The following CHSY1 variants were observed in gnomAD, a reference collection of about 807,000 sequenced individuals.
CHSY1 encodes the protein chondroitin sulfate synthase 1, also known as N-acetylgalactosaminyl-proteoglycan 3-beta-glucuronosyltransferase 1.
CHSY1 carries 13 observed loss-of-function variants against 59.8 expected under a neutral mutation model. That is an observed-to-expected ratio of 0.22 (90% CI 0.14 to 0.35). CHSY1 has a LOEUF of 0.35. Ranked by LOEUF, CHSY1 falls within the 10% of genes least tolerant of loss-of-function variation. CHSY1 has a pLI of 1.00. For synonymous variants in CHSY1, 459 were observed against 401.2 expected (o/e 1.14, Z -1.72); for missense variants, 947 against 1,030.6 (o/e 0.92, Z 1.11).
intron 2 of CHSY1, among the ~76,000 whole-genome samples, chr15:101,215,760 CAAAT>C (rs113043896): frequency 4.7e-4 from 71 of 152,314 alleles, no homozygotes; most frequent in Middle Eastern, 3.4e-3. Context: ...AATTCATCAA[CAAAT>C]GAATGAACAA....
Position 101,176,560 on chromosome 15 carries a change from G to A in CHSY1, c.*828C>T. The A allele has an allele frequency of 2.5e-6, 1 of 396,342 alleles. No individual in the cohort carries two copies. The allele number at this position is 396,342 out of a possible 1,614,324, so 24.6% of individuals were successfully genotyped here. A position where few individuals can be genotyped will look rare whatever the true frequency, so the allele number is the denominator to read the frequency against. ...CGAGAACAGCCACATACCTCACTGT[G>A]CCTTCTTCACGCCCCTTGCTTTAAA... is the stretch of plus-strand genomic sequence containing the variant. On this transcript the variant is annotated 3_prime_UTR_variant, in exon 3 of 3. Coordinates refer to ENST00000254190, the MANE Select transcript of CHSY1 (RefSeq NM_014918.5).
Position 101,177,596 on chromosome 15 carries a change from G to A in CHSY1, c.2201C>T (p.Thr734Met), listed in dbSNP as rs754649577. 38 of 1,614,118 alleles carry A rather than the reference G, an allele frequency of 2.4e-5. 1 individual carries two copies. In the South Asian group the frequency reaches 3.6e-4, roughly 15 times the overall value. Residue 734 changes from threonine to methionine, a missense_variant, in exon 3 of 3, where the codon ACG becomes ATG. Coordinates refer to ENST00000254190, the MANE Select transcript of CHSY1 (RefSeq NM_014918.5). Reference sequence around the variant, plus strand: ...TACTCCTACTTCCTGGCTCCTAAACGTCTTCAAACCTGCCTGGACAACCTT... The same window carrying A: ...TACTCCTACTTCCTGGCTCCTAAACATCTTCAAACCTGCCTGGACAACCTT... ...FNKVVQAGLK[T>M]FRSQEVGVVH...
chr15:101,203,186 G>A (rs188715899), intron 2 of CHSY1, among the ~76,000 whole-genome samples: 2 of 152,156 alleles, frequency 1.3e-5, no homozygotes, highest in Non-Finnish European at 2.9e-5. Context: ...CCTGAAATAG[G>A]GGGGGTGAGG....
intron 2 of CHSY1, among the ~76,000 whole-genome samples, chr15:101,188,527 T>C (rs1278387432): frequency 6.6e-6 from 1 of 152,090 alleles, no homozygotes; most frequent in Admixed American, 6.5e-5. Flanking sequence ...TCTAATTAAG[T>C]TCAAGGATTA....
intron 2 of CHSY1, among the ~76,000 whole-genome samples, chr15:101,207,316 A>G (rs1170315788): frequency 6.6e-6 from 1 of 152,238 alleles, no homozygotes; most frequent in Non-Finnish European, 1.5e-5. Context: ...AACCCTTCAG[A>G]ATGGGAAGAA....
intron 2 of CHSY1, among the ~76,000 whole-genome samples, chr15:101,225,852 A>T (rs535976811): frequency 6.6e-6 from 1 of 152,184 alleles, no homozygotes; most frequent in African/African-American, 2.4e-5. Context: ...CTGTGATCTC[A>T]ATCTCTTCAA....
Position 101,251,555 on chromosome 15 carries a change from G to A in CHSY1, c.-99C>T, listed in dbSNP as rs1445199147. 5.3e-5 allele frequency: 9 copies of A among 168,348 alleles called. No homozygotes were observed. The highest frequency in any genetic ancestry group is 1.9e-4 in the South Asian group (1 of 5,266). The allele number at this position is 168,348 out of a possible 1,614,324, so 10.4% of individuals were successfully genotyped here. Reference sequence around the variant, plus strand: ...AGGCCAGCCCGCCCTAGCGCCGCGAGGCCCGGCCCGGGCAGCGCCGCCGCC... The same window carrying A: ...AGGCCAGCCCGCCCTAGCGCCGCGAAGCCCGGCCCGGGCAGCGCCGCCGCC... On this transcript the variant is annotated 5_prime_UTR_variant, in exon 1 of 3. Transcript: ENST00000254190.
At chr15:101,183,291 G>A (rs530501205) in intron 2 of CHSY1, among the ~76,000 whole-genome samples, 2 of 152,232 alleles carry the variant, frequency 1.3e-5, no homozygotes, top group East Asian at 3.9e-4. Context: ...AGTATAAAAA[G>A]TACAGTATAA....
chr15:101,208,577 G>C (rs532322357), intron 2 of CHSY1, among the ~76,000 whole-genome samples: 7 of 152,222 alleles, frequency 4.6e-5, no homozygotes, highest in Admixed American at 1.3e-4. Context: ...GCCAGGTATG[G>C]TGGCGGACGC....
At chr15:101,217,368 T>C (rs1244298233) in intron 2 of CHSY1, among the ~76,000 whole-genome samples, 1 of 152,178 alleles carries the variant, frequency 6.6e-6, no homozygotes, top group Admixed American at 6.5e-5. Context: ...TGTATACACA[T>C]GGGTTAGTAT....
intron 1 of CHSY1, among the ~76,000 whole-genome samples, chr15:101,245,360 C>T (rs2141281808): frequency 1.4e-5 from 2 of 141,678 alleles, no homozygotes; most frequent in South Asian, 4.3e-4. Flanking sequence ...CAAGACTCAG[C>T]TAGTGGGTAA....
intron 1 of CHSY1, 81 bp downstream of exon 1, chr15:101,251,056 G>A (rs1457691709): frequency 1.6e-5 from 21 of 1,347,486 alleles, no homozygotes; most frequent in East Asian, 1.3e-4. Context: ...GCGGGCGGAG[G>A]CGAGAGCCAG....
rs34753057 is a variant in CHSY1 at position 101,249,510 on chromosome 15, A to ATTTTTT, written c.320+1621_320+1626dup. On this transcript the variant is annotated intron_variant, in intron 1 of 2. Transcript: ENST00000254190. ...CTCTATCTATCGATCGATAGATAGAATTTTTTTTTTTTTTTTTTTTTGAGA... is the reference window on the plus strand; with the variant it reads ...CTCTATCTATCGATCGATAGATAGAATTTTTTTTTTTTTTTTTTTTTTTTTTTGAGA... Among the ~76,000 whole-genome samples, 138 of 113,038 alleles carry ATTTTTT rather than the reference A, an allele frequency of 1.2e-3. 3 individuals are homozygous for ATTTTTT. Among genetic ancestry groups the ATTTTTT allele is most frequent in the African/African-American group, 4.0e-3 (104 of 25,794 alleles). 74.2% of individuals were successfully genotyped at this position (113,038 alleles called of 152,430 possible).
chr15:101,178,420 T>G lies in CHSY1; in HGVS notation c.1377A>C (p.Lys459Asn), dbSNP rs755370810. Reference protein sequence around the residue: ...LDLLLLYKKHKGKKMTVPVRR... With the variant: ...LDLLLLYKKHNGKKMTVPVRR... ...TCACAGGGACCGTCATTTTCTTCCC[T>G]TTGTGCTTTTTGTACAGAAGCAGCA... Residue 459 changes from lysine (K) to asparagine (N), a missense_variant, in exon 3 of 3, where the codon AAA becomes AAC. Coordinates refer to ENST00000254190, the MANE Select transcript of CHSY1 (RefSeq NM_014918.5). The G allele has an allele frequency of 3.7e-6, 6 of 1,613,762 alleles. No homozygotes were observed. The highest frequency in any genetic ancestry group is 1.3e-5 in the African/African-American group (1 of 74,916).
chr15:101,188,065 G>C, intron 2 of CHSY1: 1 of 985,370 alleles, frequency 1.0e-6, no homozygotes, highest in Non-Finnish European at 1.2e-6. Flanking sequence ...TTAAGTCCTC[G>C]TTCTTCCTGT....
intron 2 of CHSY1, among the ~76,000 whole-genome samples, chr15:101,193,476 C>G (rs1397244046): frequency 7.5e-6 from 1 of 132,644 alleles, no homozygotes; most frequent in East Asian, 2.0e-4. Flanking sequence ...GGGGCCACAC[C>G]CTGGAGCACG....
chr15:101,208,667 C>T (rs1334823792), intron 2 of CHSY1, among the ~76,000 whole-genome samples: 6 of 145,530 alleles, frequency 4.1e-5, no homozygotes, highest in African/African-American at 1.3e-4. Context: ...GAACCGAGAT[C>T]GTGCCACTGC....
intron 2 of CHSY1, among the ~76,000 whole-genome samples, chr15:101,220,987 G>A (rs556356909): frequency 2.6e-5 from 4 of 152,008 alleles, no homozygotes; most frequent in African/African-American, 7.2e-5. Flanking sequence ...GAGCAGCCCT[G>A]TCCCTCCATC....
intron 2 of CHSY1, among the ~76,000 whole-genome samples, chr15:101,185,590 T>G (rs1436609482): frequency 6.6e-6 from 1 of 152,116 alleles, no homozygotes; most frequent in Non-Finnish European, 1.5e-5. Context: ...CCCTCCCATG[T>G]GACCACATCA....
Sources: gnomAD v4.1 joint callset for allele counts (sites outside exome capture counted in the v4.1 genomes callset) on GRCh38, gnomAD v4.1.1 for gene constraint, MANE v1.5 for transcripts, NCBI Gene and HGNC (gene_info 2026-07-23, HGNC 2026-07-21) for gene names.